BTBD7: variants seen among roughly 807,000 people sequenced by gnomAD.
BTBD7 encodes BTB/POZ domain-containing protein 7.
BTBD7 carries 38 observed loss-of-function variants against 99.9 expected under a neutral mutation model. That is an observed-to-expected ratio of 0.38 (90% confidence interval 0.29 to 0.50). BTBD7 has a LOEUF of 0.50. Among genes scored for constraint, BTBD7 ranks in the 20% least tolerant of loss-of-function variants. The pLI, the probability that BTBD7 is intolerant of heterozygous loss-of-function variation, is 0.93. For missense variants in BTBD7, 1,170 were observed against 1,394.6 expected, an observed-to-expected ratio of 0.84 and a Z score of 2.57; for synonymous variants, 520 against 511.4, an observed-to-expected ratio of 1.02 and a Z score of -0.23.
chr14:93,260,936 T>C (rs925291531), intron 5 of BTBD7, among the ~76,000 whole-genome samples: 1 of 151,474 alleles, frequency 6.6e-6, no homozygotes, highest in African/African-American at 2.4e-5. Flanking sequence ...CTTTCACCCA[T>C]GTGGAGTGCA....
intron 1 of BTBD7, among the ~76,000 whole-genome samples, chr14:93,318,104 C>G (rs1474788636): frequency 1.3e-5 from 2 of 152,176 alleles, no homozygotes; most frequent in Admixed American, 6.5e-5. Flanking sequence ...TCTGTGCTTC[C>G]TCCTCACCAA....
rs1303358210 is a variant in BTBD7, at chr14:93,248,649, G to A, written c.1948C>T (p.Arg650Cys). Residue 650 changes from arginine (R) to cysteine (C), a missense_variant, in exon 9 of 11, where the codon CGT (arginine) becomes TGT (cysteine). This residue lies in a region of BTBD7 where 309 missense variants were observed against 342.0 expected (regional missense o/e 0.90). Coordinates refer to ENST00000334746, the MANE Select transcript of BTBD7 (RefSeq NM_001002860.4). The part of the protein sequence containing the change: ...SVVANEIPVP[R>C]LLIMKDMVRR... ...ACCATGTCTTTCATAATGAGGAGAC[G>A]AGGAACTGGAAGGAGAACAACAGTG... The A allele has an allele frequency of 1.6e-5, 25 of 1,604,776 alleles. No individual in the cohort carries two copies. Among genetic ancestry groups the A allele is most frequent in the African/African-American group, 2.7e-5 (2 of 74,782 alleles).
intron 1 of BTBD7, among the ~76,000 whole-genome samples, chr14:93,328,017 T>C (rs1401134596): frequency 6.6e-6 from 1 of 152,152 alleles, no homozygotes; most frequent in Non-Finnish European, 1.5e-5. Flanking sequence ...ACAAGAATCC[T>C]ATCTACAATC....
intron 1 of BTBD7, among the ~76,000 whole-genome samples, chr14:93,311,744 AAT>A (rs1491371417): frequency 0.023 from 2,995 of 131,480 alleles, 92 homozygotes; most frequent in African/African-American, 0.085. Context: ...AAATATTTTT[AAT>A]TTTTTTTTTT....
At position 93,278,287 on chromosome 14, in the gene BTBD7, G is replaced by A. The variant is rs192906446; in HGVS notation, c.1163-14294C>T. ...AAATTAGCCAGGCGTGGTGGCAGACGCCTCTAATTCCAGCTACTTGGGAAG... is the reference window on the plus strand; with the variant it reads ...AAATTAGCCAGGCGTGGTGGCAGACACCTCTAATTCCAGCTACTTGGGAAG... On this transcript the variant is annotated intron_variant, in intron 3 of 10. Transcript: ENST00000334746. Among the ~76,000 whole-genome samples, 719 of 152,246 alleles carry A rather than the reference G, an allele frequency of 4.7e-3. 10 individuals carry two copies. Among genetic ancestry groups the A allele is most frequent in the Non-Finnish European group, 6.3e-3 (426 of 68,024 alleles).
intron 1 of BTBD7, among the ~76,000 whole-genome samples, chr14:93,321,046 A>G (rs74718229): frequency 0.017 from 2,574 of 152,348 alleles, 78 homozygotes; most frequent in African/African-American, 0.059. Flanking sequence ...AGGAATTAAG[A>G]GAGGTTATAA....
At chr14:93,270,652 G>A (rs892883367) in intron 3 of BTBD7, among the ~76,000 whole-genome samples, 4 of 149,760 alleles carry the variant, frequency 2.7e-5, no homozygotes, top group African/African-American at 9.9e-5. Flanking sequence ...CCGAGGTTGT[G>A]CCACTGTACT....
intron 3 of BTBD7, among the ~76,000 whole-genome samples, chr14:93,270,471 T>C (rs1033156441): frequency 6.6e-6 from 1 of 152,026 alleles, no homozygotes; most frequent in Non-Finnish European, 1.5e-5. Flanking sequence ...GGCAGGTAGA[T>C]TACCCGAGGT....
At chr14:93,320,867 C>T (rs1040217133) in intron 1 of BTBD7, among the ~76,000 whole-genome samples, 1 of 152,000 alleles carries the variant, frequency 6.6e-6, no homozygotes, top group African/African-American at 2.4e-5. Flanking sequence ...GATCAGAGTC[C>T]ATCTACTAGT....
At chr14:93,316,283 A>G (rs1188938062) in intron 1 of BTBD7, among the ~76,000 whole-genome samples, 2 of 148,700 alleles carry the variant, frequency 1.3e-5, no homozygotes, top group Non-Finnish European at 2.9e-5. Flanking sequence ...TTTAAAAAAT[A>G]GAGACAGTCT....
chr14:93,314,001 T>A (rs567449204), intron 1 of BTBD7, among the ~76,000 whole-genome samples: 21 of 152,166 alleles, frequency 1.4e-4, no homozygotes, highest in South Asian at 8.3e-4. Context: ...CTGCCTCAGC[T>A]TTGCAAAGCA....
At chr14:93,265,876 C>T (rs937507799) in intron 3 of BTBD7, among the ~76,000 whole-genome samples, 9 of 152,154 alleles carry the variant, frequency 5.9e-5, no homozygotes, top group Admixed American at 2.6e-4. Flanking sequence ...GAGCTGAGAT[C>T]GCACCACTGC....
At chr14:93,271,345 T>C (rs2052598634) in intron 3 of BTBD7, among the ~76,000 whole-genome samples, 1 of 152,040 alleles carries the variant, frequency 6.6e-6, no homozygotes, top group Admixed American at 6.5e-5. Context: ...CAGATTCATA[T>C]TGAGGTCGGG....
rs144235721 is a variant in BTBD7, at chr14:93,245,931, T to C, written c.2477A>G (p.Asp826Gly). ...YLPSVKAAPP[D>G]CTSTAGLGRQ... The stretch of plus-strand genomic sequence containing the variant: ...GCCCAGTCCTGCAGTGCTGGTACAA[T>C]CAGGCGGTGCAGCTTTCACACTCGG... The change falls in exon 10 of 11, where the codon GAT becomes GGT. Residue 826 changes from aspartate (D) to glycine (G), a missense_variant. Asp to Gly is a moderately conservative substitution (Grantham distance 94). Around this residue, in one of 4 missense-constraint regions of BTBD7, gnomAD observed 495 missense variants for 525.9 expected, o/e 0.94. Transcript: ENST00000334746. The C allele has an allele frequency of 8.7e-5, 141 of 1,614,092 alleles. No homozygotes were observed. The African/African-American group carries it at 1.6e-3, about 18-fold the overall frequency.
At chr14:93,332,762 G>A (rs568682297) in intron 1 of BTBD7, 58 bp downstream of exon 1, 11 of 1,445,800 alleles carry the variant, frequency 7.6e-6, no homozygotes, top group East Asian at 3.1e-5. Context: ...CGGACGCCCC[G>A]CGCCACACCG....
intron 4 of BTBD7, among the ~76,000 whole-genome samples, chr14:93,262,610 T>C (rs904128927): frequency 6.6e-6 from 1 of 152,152 alleles, no homozygotes; most frequent in African/African-American, 2.4e-5. Flanking sequence ...GAGTAACTAC[T>C]CTCTCCTGGA....
At chr14:93,272,111 G>A (rs2052607375) in intron 3 of BTBD7, among the ~76,000 whole-genome samples, 2 of 152,040 alleles carry the variant, frequency 1.3e-5, no homozygotes, top group African/African-American at 4.8e-5. Context: ...CAGGTCAGGA[G>A]TTTGAGACCA....
chr14:93,300,109 T>C (rs550777951), intron 1 of BTBD7, among the ~76,000 whole-genome samples: 2 of 152,322 alleles, frequency 1.3e-5, no homozygotes, highest in South Asian at 2.1e-4. Context: ...TTACTATGTA[T>C]GTAGGACACG....
In BTBD7 at chr14:93,296,032, T is replaced by C. The variant is rs780224744; in HGVS notation, c.20A>G (p.Asn7Ser). MGANAS[N>S]YPHSCSPRVG... ...CCTCGGGGAACATGAATGAGGATAA[T>C]TAGATGCATTAGCACCCATTTTCTT... is the stretch of plus-strand genomic sequence containing the variant. The change falls in exon 2 of 11, where the codon AAT becomes AGT. Residue 7 changes from asparagine (N) to serine (S), a missense_variant. Around this residue, in one of 4 missense-constraint regions of BTBD7, gnomAD observed 359 missense variants for 497.9 expected, o/e 0.72. Transcript: ENST00000334746. 1 of 1,614,064 alleles carries C rather than the reference T, an allele frequency of 6.2e-7. No homozygotes were observed. Among genetic ancestry groups the C allele is most frequent in the Non-Finnish European group, 8.5e-7 (1 of 1,179,970 alleles).
Sources: gnomAD v4.1 joint callset for allele counts (sites outside exome capture counted in the v4.1 genomes callset) on GRCh38, gnomAD v4.1.1 for gene constraint, gnomAD v4.1.1 regional missense constraint, MANE v1.5 for transcripts, NCBI Gene and HGNC (gene_info 2026-07-23, HGNC 2026-07-21) for gene names.